Variants in GABRB1 observed in about 807,000 individuals in gnomAD.
GABRB1 encodes the protein gamma-aminobutyric acid type A receptor subunit beta1, also known as gamma-aminobutyric acid receptor subunit beta-1.
In GABRB1, 17 loss-of-function variants were observed where a neutral mutation model predicts 51.6. The ratio of observed to expected loss-of-function variants is 0.33; its 90% CI spans 0.23 to 0.49. The LOEUF (loss-of-function observed/expected upper bound fraction) is 0.49. Ranked by LOEUF, GABRB1 falls within the 20% of genes least tolerant of loss-of-function variation. The pLI, the probability that GABRB1 is intolerant of heterozygous loss-of-function variation, is 0.99. For synonymous variants in GABRB1, 247 were observed against 218.9 expected (o/e 1.13, Z -1.14); for missense variants, 410 against 600.6 (o/e 0.68, Z 3.32).
chr4:47,157,580 T>G (rs997841202), intron 3 of GABRB1, among the ~76,000 whole-genome samples: 2 of 151,972 alleles, frequency 1.3e-5, no homozygotes, highest in Admixed American at 6.6e-5. Context: ...TCTCACAAGG[T>G]TTGTGTGAGA....
chr4:47,150,310 T>TCACACACA (rs36066411), intron 3 of GABRB1, among the ~76,000 whole-genome samples: 1 of 138,440 alleles, frequency 7.2e-6, no homozygotes, highest in Admixed American at 7.2e-5. Context: ...TGAGAATCCA[T>TCACACACA]CACACACACA....
Position 47,031,594 on chromosome 4 carries a change from C to T in GABRB1, c.-58C>T. ...TCGGGAATTACTGCCCAGCAGCCGACTAAGTTGCATTCCTTGAATCTTCGC... is the reference window on the plus strand; with the variant it reads ...TCGGGAATTACTGCCCAGCAGCCGATTAAGTTGCATTCCTTGAATCTTCGC... On this transcript the variant is annotated 5_prime_UTR_variant, in exon 1 of 9. Coordinates refer to ENST00000295454, the MANE Select transcript of GABRB1 (RefSeq NM_000812.4). 3 of 1,444,530 alleles carry T rather than the reference C, an allele frequency of 2.1e-6. No individual in the cohort carries two copies. The highest frequency in any genetic ancestry group is 2.9e-6 in the Non-Finnish European group (3 of 1,025,746). 89.5% of individuals were successfully genotyped at this position (1,444,530 alleles called of 1,614,324 possible). A position where few individuals can be genotyped will look rare whatever the true frequency, so the allele number is the denominator to read the frequency against.
intron 4 of GABRB1, among the ~76,000 whole-genome samples, chr4:47,247,176 A>T (rs1721796490): frequency 6.6e-6 from 1 of 152,114 alleles, no homozygotes; most frequent in Admixed American, 6.5e-5. Flanking sequence ...TAAGTCCTTA[A>T]TCCATCTTGA....
chr4:47,403,638 T>A lies in GABRB1; in HGVS notation c.762T>A (p.Ser254=). 2 of 1,613,944 alleles carry A rather than the reference T, an allele frequency of 1.2e-6. No individual in the cohort carries two copies. Among genetic ancestry groups the A allele is most frequent in the Non-Finnish European group, 1.7e-6 (2 of 1,179,930 alleles). The change falls in exon 7 of 9, where the codon TCT becomes TCA. Residue 254 remains serine (S), a synonymous_variant. Transcript: ENST00000295454. The part of the protein sequence containing the change: ...GYFILQTYMP[S]TLITILSWVS... ...TCATTTTGCAAACCTACATGCCTTCTACACTGATTACAATTCTGTCCTGGG... is the reference window on the plus strand; with the variant it reads ...TCATTTTGCAAACCTACATGCCTTCAACACTGATTACAATTCTGTCCTGGG...
chr4:47,176,760 C>A (rs918798637), intron 4 of GABRB1, among the ~76,000 whole-genome samples: 4 of 151,962 alleles, frequency 2.6e-5, no homozygotes, highest in Admixed American at 6.6e-5. Flanking sequence ...ACAAAAGGAG[C>A]CAAAAATGGA....
intron 4 of GABRB1, among the ~76,000 whole-genome samples, chr4:47,196,792 A>G (rs1719701634): frequency 1.3e-5 from 2 of 152,234 alleles, no homozygotes; most frequent in Non-Finnish European, 2.9e-5. Context: ...CTATCAGATT[A>G]TGGTATAGTT....
intron 4 of GABRB1, among the ~76,000 whole-genome samples, chr4:47,267,565 C>G (rs1016211989): frequency 6.6e-6 from 1 of 152,026 alleles, no homozygotes; most frequent in Non-Finnish European, 1.5e-5. Flanking sequence ...GAGGCCGAGG[C>G]AGGCGGATCA....
chr4:47,400,199 TA>T lies in GABRB1; in HGVS notation c.545-3110del, dbSNP rs199927518. 3.3e-5 allele frequency among the ~76,000 whole-genome samples: 5 copies of T among 151,576 alleles called. No homozygotes were observed. The South Asian group carries it at 6.3e-4, about 19-fold the overall frequency. ...ATTTATCTAAGACATTTCATATATT[TA>T]AAAAAAAACCATTGAGTTTTAGAAT... On this transcript the variant is annotated intron_variant, in intron 5 of 8. Transcript: ENST00000295454.
chr4:47,092,156 TC>T (rs1189513522), intron 3 of GABRB1, among the ~76,000 whole-genome samples: 8 of 131,102 alleles, frequency 6.1e-5, no homozygotes, highest in African/African-American at 1.8e-4. Flanking sequence ...TTTCTTTCTT[TC>T]TTTCTTTCTT....
intron 3 of GABRB1, among the ~76,000 whole-genome samples, chr4:47,088,339 T>G (rs1473282600): frequency 1.3e-5 from 2 of 152,086 alleles, no homozygotes; most frequent in Non-Finnish European, 2.9e-5. Context: ...GATACAAGCA[T>G]CTGGGTCAAA....
At chr4:47,078,575 C>T (rs955020421) in intron 3 of GABRB1, among the ~76,000 whole-genome samples, 52 of 152,256 alleles carry the variant, frequency 3.4e-4, no homozygotes, top group Admixed American at 3.9e-4. Flanking sequence ...TCAGCTTTGT[C>T]TTTTCCTTCC....
At chr4:47,384,966 A>G (rs1727735474) in intron 5 of GABRB1, among the ~76,000 whole-genome samples, 1 of 152,174 alleles carries the variant, frequency 6.6e-6, no homozygotes, top group African/African-American at 2.4e-5. Context: ...ATACTGACAC[A>G]CTAGTTTAGC....
At chr4:47,337,808 TAA>T (rs1170540924) in intron 5 of GABRB1, among the ~76,000 whole-genome samples, 30,707 of 83,068 alleles carry the variant, frequency 0.37, 4,011 homozygotes, top group East Asian at 0.48. Flanking sequence ...AGACTCTGTC[TAA>T]AAAAAAAAAA....
chr4:47,208,643 T>A (rs1319671512), intron 4 of GABRB1, among the ~76,000 whole-genome samples: 1 of 152,142 alleles, frequency 6.6e-6, no homozygotes, highest in Non-Finnish European at 1.5e-5. Flanking sequence ...GGATTTTTCT[T>A]AGGTTCAGTT....
intron 5 of GABRB1, among the ~76,000 whole-genome samples, chr4:47,359,923 CA>C (rs1282562077): frequency 1.3e-5 from 2 of 151,740 alleles, no homozygotes; most frequent in Non-Finnish European, 2.9e-5. Context: ...CTTTTTTAAG[CA>C]AAAAATGATC....
In GABRB1 at chr4:47,403,427, G is replaced by A; in HGVS notation, c.654G>A (p.Met218Ile). ...LPQFSIVDYK[M>I]VSKKVEFTTG... ...AATTTTCAATTGTTGACTACAAGAT[G>A]GTGTCTAAGAAGGTGGAGTTCACAA... Residue 218 changes from methionine (M) to isoleucine (I), a missense_variant, in exon 6 of 9, where the codon ATG becomes ATA. Coordinates refer to ENST00000295454, the MANE Select transcript of GABRB1 (RefSeq NM_000812.4). The A allele has an allele frequency of 2.5e-6, 4 of 1,614,036 alleles. No homozygotes were observed. The highest frequency in any genetic ancestry group is 1.7e-5 in the Admixed American group (1 of 60,020).
At chr4:47,199,586 G>A (rs1390594846) in intron 4 of GABRB1, among the ~76,000 whole-genome samples, 5 of 152,120 alleles carry the variant, frequency 3.3e-5, no homozygotes, top group African/African-American at 1.2e-4. Flanking sequence ...AGGACAAAAT[G>A]AAAGAAGGGA....
intron 1 of GABRB1, among the ~76,000 whole-genome samples, chr4:46,995,529 A>G (rs980709141): frequency 2.6e-5 from 4 of 151,946 alleles, no homozygotes; most frequent in African/African-American, 9.7e-5. Context: ...CTGTTAATAT[A>G]TTTTTATATT....
chr4:47,045,616 G>A (rs769734410), intron 3 of GABRB1, among the ~76,000 whole-genome samples: 17 of 151,904 alleles, frequency 1.1e-4, no homozygotes, highest in Non-Finnish European at 2.5e-4. Context: ...GTCTGTTGAG[G>A]GGCTACTGCT....
Sources: gnomAD v4.1 joint callset for allele counts (sites outside exome capture counted in the v4.1 genomes callset) on GRCh38, gnomAD v4.1.1 for gene constraint, MANE v1.5 for transcripts, NCBI Gene and HGNC (gene_info 2026-07-23, HGNC 2026-07-21) for gene names.